REDIC1: variants seen among roughly 807,000 people sequenced by gnomAD.
REDIC1 encodes the protein HEI10 Interacting Protein 1.
At chr12:39,694,593 A>G in the REDIC1 span, among the ~76,000 whole-genome samples, 1 of 152,206 alleles carries the variant, frequency 6.6e-6, no homozygotes, top group Non-Finnish European at 1.5e-5. Context: ...AGTGGTCAAT[A>G]CTTGAGTTTG....
the REDIC1 span, among the ~76,000 whole-genome samples, chr12:39,713,145 A>G: frequency 1.3e-5 from 2 of 150,072 alleles, no homozygotes; most frequent in Admixed American, 1.3e-4. Context: ...ATATATGTAG[A>G]TATGTGCATA....
At chr12:39,659,484 G>A in the REDIC1 span, among the ~76,000 whole-genome samples, 63 of 151,794 alleles carry the variant, frequency 4.2e-4, 1 homozygote, top group East Asian at 0.011. Flanking sequence ...TTCTCTCATT[G>A]TTTTATTTTA....
chr12:39,828,710 TA>T, the REDIC1 span, among the ~76,000 whole-genome samples: 2 of 74,948 alleles, frequency 2.7e-5, no homozygotes, highest in African/African-American at 1.6e-4. Context: ...AGTAGTAACT[TA>T]GTTTTTTTTT....
chr12:39,889,517 G>A, the REDIC1 span, among the ~76,000 whole-genome samples: 6 of 148,770 alleles, frequency 4.0e-5, no homozygotes, highest in East Asian at 1.2e-3. Context: ...TTACGCTTCA[G>A]TGGTAAACAA....
chr12:39,898,739 T>C, the REDIC1 span, among the ~76,000 whole-genome samples: 2 of 152,168 alleles, frequency 1.3e-5, no homozygotes, highest in African/African-American at 4.8e-5. Context: ...GTTCATGGAA[T>C]GGAACCAGAG....
the REDIC1 span, among the ~76,000 whole-genome samples, chr12:39,638,373 T>G: frequency 1.3e-5 from 2 of 152,032 alleles, no homozygotes; most frequent in African/African-American, 4.8e-5. Context: ...GTATCCAGTA[T>G]TCACCAGTGC....
At chr12:39,629,166 G>A in the REDIC1 span, among the ~76,000 whole-genome samples, 2 of 152,176 alleles carry the variant, frequency 1.3e-5, no homozygotes, top group African/African-American at 4.8e-5. Flanking sequence ...TAAAATGGAG[G>A]TGAAATAAAT....
the REDIC1 span, among the ~76,000 whole-genome samples, chr12:39,710,894 T>A: frequency 4.0e-5 from 6 of 151,334 alleles, no homozygotes; most frequent in Non-Finnish European, 8.9e-5. Flanking sequence ...TCAGTATTCT[T>A]TTTTTTTAAT....
At chr12:39,754,057 C>CAAT in the REDIC1 span, among the ~76,000 whole-genome samples, 149 of 152,252 alleles carry the variant, frequency 9.8e-4, no homozygotes, top group South Asian at 2.7e-3. Context: ...AAGGATTCCA[C>CAAT]AATTTCTTTC....
chr12:39,905,274 C>A, the REDIC1 span, among the ~76,000 whole-genome samples: 1 of 152,132 alleles, frequency 6.6e-6, no homozygotes, highest in East Asian at 1.9e-4. Context: ...TTCATCATCT[C>A]TGTCTTGCTG....
the REDIC1 span, among the ~76,000 whole-genome samples, chr12:39,667,174 G>T: frequency 1.3e-5 from 2 of 152,108 alleles, no homozygotes; most frequent in Non-Finnish European, 2.9e-5. Context: ...GTCAATTTTA[G>T]ATCTTTCCTG....
At chr12:39,871,268 T>A in the REDIC1 span, among the ~76,000 whole-genome samples, 1 of 152,198 alleles carries the variant, frequency 6.6e-6, no homozygotes, top group Non-Finnish European at 1.5e-5. Context: ...AGAAAATACA[T>A]TTAACCAACC....
At chr12:39,781,962 G>C in the REDIC1 span, among the ~76,000 whole-genome samples, 3 of 152,266 alleles carry the variant, frequency 2.0e-5, no homozygotes, top group African/African-American at 4.8e-5. Flanking sequence ...GGATAATCTT[G>C]AGTTATGGTT....
At chr12:39,849,421 G>T in the REDIC1 span, among the ~76,000 whole-genome samples, 1 of 152,070 alleles carries the variant, frequency 6.6e-6, no homozygotes, top group East Asian at 1.9e-4. Context: ...GCTGACCCCT[G>T]CCTCTTATTT....
chr12:39,698,313 G>A, the REDIC1 span, among the ~76,000 whole-genome samples: 2 of 152,106 alleles, frequency 1.3e-5, no homozygotes, highest in Non-Finnish European at 2.9e-5. Context: ...AAATATATAT[G>A]CACCCAACAC....
the REDIC1 span, among the ~76,000 whole-genome samples, chr12:39,681,770 A>G: frequency 6.6e-6 from 1 of 152,164 alleles, no homozygotes; most frequent in South Asian, 2.1e-4. Context: ...ATGGCCTAGT[A>G]CCTGGAACAG....
chr12:39,718,213 T>G, the REDIC1 span, among the ~76,000 whole-genome samples: 2 of 152,120 alleles, frequency 1.3e-5, no homozygotes, highest in African/African-American at 4.8e-5. Context: ...ATCCTTTCCA[T>G]AGAGCACAAT....
At chr12:39,731,927 A>C in the REDIC1 span, among the ~76,000 whole-genome samples, 1 of 152,006 alleles carries the variant, frequency 6.6e-6, no homozygotes, top group Non-Finnish European at 1.5e-5. Flanking sequence ...GATTGTCATA[A>C]GGCAAACATC....
the REDIC1 span, among the ~76,000 whole-genome samples, chr12:39,695,985 T>C: frequency 6.6e-6 from 1 of 152,216 alleles, no homozygotes; most frequent in Non-Finnish European, 1.5e-5. Context: ...TTCCCAGATG[T>C]TGTCTAAGAC....
Sources: gnomAD v4.1 joint callset for allele counts (sites outside exome capture counted in the v4.1 genomes callset) on GRCh38, gnomAD v4.1.1 for gene constraint, MANE v1.5 for transcripts, NCBI Gene and HGNC (gene_info 2026-07-23, HGNC 2026-07-21) for gene names.